GRM7: variants seen among roughly 807,000 people sequenced by gnomAD.
GRM7 encodes metabotropic glutamate receptor 7.
GRM7 carries 35 observed loss-of-function variants against 84.5 expected under a neutral mutation model. The observed-to-expected ratio is 0.41, with a 90% CI of 0.32 to 0.55. The LOEUF (loss-of-function observed/expected upper bound fraction) is 0.55. GRM7 is among the 20% of genes least tolerant of loss of function. The pLI, the probability that GRM7 is intolerant of heterozygous loss-of-function variation, is 0.19. For missense variants in GRM7, 1,003 were observed against 1,194.6 expected, an observed-to-expected ratio of 0.84 and a Z score of 2.36; for synonymous variants, 487 against 455.1, an observed-to-expected ratio of 1.07 and a Z score of -0.89.
At chr3:7,655,307 T>C (rs534550042) in intron 8 of GRM7, among the ~76,000 whole-genome samples, 1 of 152,318 alleles carries the variant, frequency 6.6e-6, no homozygotes, top group African/African-American at 2.4e-5. Context: ...GTATTGGCCA[T>C]CAAGCTAGCC....
chr3:7,396,951 A>AGT (rs1200303440), intron 4 of GRM7, among the ~76,000 whole-genome samples: 2 of 152,110 alleles, frequency 1.3e-5, no homozygotes, highest in African/African-American at 4.8e-5. Context: ...AGAAAACAAA[A>AGT]GTACCCCAGG....
At chr3:7,532,809 A>AAG (rs1434075909) in intron 7 of GRM7, among the ~76,000 whole-genome samples, 1 of 149,944 alleles carries the variant, frequency 6.7e-6, no homozygotes, top group Admixed American at 6.6e-5. Context: ...AAAGCAAAAA[A>AAG]AAAAAAAAAA....
intron 4 of GRM7, among the ~76,000 whole-genome samples, chr3:7,397,839 G>T (rs1170767051): frequency 6.6e-6 from 1 of 152,030 alleles, no homozygotes; most frequent in Non-Finnish European, 1.5e-5. Flanking sequence ...GAATCTAGTA[G>T]GTGGAGGCCA....
chr3:6,879,704 A>G (rs947729878), intron 1 of GRM7, among the ~76,000 whole-genome samples: 4 of 152,220 alleles, frequency 2.6e-5, no homozygotes, highest in African/African-American at 4.8e-5. Flanking sequence ...GAGGATAACT[A>G]TGGGATGCTA....
intron 1 of GRM7, among the ~76,000 whole-genome samples, chr3:6,878,259 T>C (rs979527656): frequency 6.6e-6 from 1 of 152,158 alleles, no homozygotes; most frequent in African/African-American, 2.4e-5. Flanking sequence ...ATGGCAAACA[T>C]TGACTTAAAG....
intron 8 of GRM7, among the ~76,000 whole-genome samples, chr3:7,620,814 C>T (rs768326719): frequency 1.1e-4 from 16 of 152,130 alleles, no homozygotes; most frequent in South Asian, 2.1e-4. Flanking sequence ...TTGCCTGTTA[C>T]GCTAGAGCAG....
At position 7,093,982 on chromosome 3, in the gene GRM7, A is replaced by C. The variant is rs184846019; in HGVS notation, c.520-52470A>C. 1.4e-3 allele frequency among the ~76,000 whole-genome samples: 216 copies of C among 152,272 alleles called. 1 individual carries two copies. Among genetic ancestry groups the C allele is most frequent in the South Asian group, 8.3e-3 (40 of 4,824 alleles). ...TTGCTATAAACTAATTAGACAGTTT[A>C]GGTAGCCATCTTTCCATCTTGCTAT... On this transcript the variant is annotated intron_variant, in intron 1 of 9. Transcript: ENST00000357716.
chr3:7,579,066 G>C lies in GRM7; in HGVS notation c.2160G>C (p.Trp720Cys). The change falls in exon 8 of 10, where the codon TGG becomes TGC. Residue 720 changes from tryptophan to cysteine, a missense_variant. Transcript: ENST00000357716. ...TTCAGCTTCTAGGGGTGTTCATTTG[G>C]TTTGGTGTTGATCCACCCAACATCA... ...ISVQLLGVFI[W>C]FGVDPPNIII... 1.9e-6 allele frequency: 3 copies of C among 1,614,054 alleles called. No homozygotes were observed. Among genetic ancestry groups the C allele is most frequent in the Non-Finnish European group, 2.5e-6 (3 of 1,180,008 alleles).
chr3:7,299,222 G>T (rs1198976079), intron 3 of GRM7, among the ~76,000 whole-genome samples: 1 of 152,088 alleles, frequency 6.6e-6, no homozygotes. Flanking sequence ...TCAAAAACTT[G>T]TCTTAACTCT....
chr3:7,429,110 A>G (rs1034601145), intron 5 of GRM7, among the ~76,000 whole-genome samples: 1 of 152,208 alleles, frequency 6.6e-6, no homozygotes, highest in African/African-American at 2.4e-5. Context: ...TTAGCTATGA[A>G]GCCTGACACA....
At chr3:7,233,728 C>A (rs1697264603) in intron 2 of GRM7, among the ~76,000 whole-genome samples, 1 of 152,072 alleles carries the variant, frequency 6.6e-6, no homozygotes, top group Non-Finnish European at 1.5e-5. Flanking sequence ...CGGAGTGTGA[C>A]TTTTGAACAG....
chr3:6,972,690 A>T (rs768842826), intron 1 of GRM7, among the ~76,000 whole-genome samples: 2 of 152,194 alleles, frequency 1.3e-5, no homozygotes, highest in Non-Finnish European at 2.9e-5. Flanking sequence ...TGCCAGGCCA[A>T]TGGAGAGCTC....
intron 1 of GRM7, among the ~76,000 whole-genome samples, chr3:7,100,623 G>A (rs1053846260): frequency 6.6e-6 from 1 of 151,622 alleles, no homozygotes; most frequent in African/African-American, 2.4e-5. Flanking sequence ...TTGGAAATGC[G>A]ACTTTTCTTA....
chr3:6,927,928 A>G (rs906957174), intron 1 of GRM7, among the ~76,000 whole-genome samples: 10 of 152,216 alleles, frequency 6.6e-5, no homozygotes, highest in African/African-American at 2.4e-4. Context: ...CATTGTACAT[A>G]GATTTCTGTT....
chr3:7,648,281 AAT>A (rs1376868638), intron 8 of GRM7, among the ~76,000 whole-genome samples: 2 of 151,738 alleles, frequency 1.3e-5, no homozygotes, highest in African/African-American at 2.4e-5. Flanking sequence ...GAAAAAAAAA[AAT>A]TGGCCATGAG....
At chr3:7,016,268 C>G (rs1429896074) in intron 1 of GRM7, among the ~76,000 whole-genome samples, 1 of 152,140 alleles carries the variant, frequency 6.6e-6, no homozygotes, top group Non-Finnish European at 1.5e-5. Flanking sequence ...CCTTGCTCAC[C>G]ACACAGAAAA....
intron 1 of GRM7, among the ~76,000 whole-genome samples, chr3:6,895,142 G>A (rs1054004176): frequency 2.0e-5 from 3 of 152,102 alleles, no homozygotes; most frequent in African/African-American, 7.2e-5. Flanking sequence ...GCAGGAGACA[G>A]GACGATTATT....
intron 5 of GRM7, among the ~76,000 whole-genome samples, chr3:7,440,535 A>G (rs1403345501): frequency 6.6e-6 from 1 of 152,172 alleles, no homozygotes; most frequent in African/African-American, 2.4e-5. Flanking sequence ...TCAAGAGTAC[A>G]TATGCAGCTT....
At chr3:7,388,622 C>T (rs1694875719) in intron 4 of GRM7, among the ~76,000 whole-genome samples, 1 of 151,860 alleles carries the variant, frequency 6.6e-6, no homozygotes. Context: ...TTTTATTACT[C>T]GTTGATCTGT....
Sources: gnomAD v4.1 joint callset for allele counts (sites outside exome capture counted in the v4.1 genomes callset) on GRCh38, gnomAD v4.1.1 for gene constraint, MANE v1.5 for transcripts, NCBI Gene and HGNC (gene_info 2026-07-23, HGNC 2026-07-21) for gene names.